Variants in SLC38A3 observed in about 807,000 individuals in gnomAD.
SLC38A3 encodes sodium-coupled neutral amino acid transporter 3.
A neutral mutation model predicts 59.5 loss-of-function variants in SLC38A3; 17 were observed. That is an observed-to-expected ratio of 0.29 (90% confidence interval 0.20 to 0.43). The LOEUF is 0.43. Ranked by LOEUF, SLC38A3 falls within the 20% of genes least tolerant of loss-of-function variation. The pLI is 1.00. For missense variants in SLC38A3, 454 were observed against 653.9 expected (o/e 0.69, Z 3.33); for synonymous variants, 238 against 260.3 (o/e 0.91, Z 0.82).
Position 50,217,907 on chromosome 3 carries a change from G to C in SLC38A3, c.856-10G>C. ...GCAGACTGCCTTGACACAGCCCCGTGTTTCCCCAGACAGCATACACCATCC... is the reference window on the plus strand; with the variant it reads ...GCAGACTGCCTTGACACAGCCCCGTCTTTCCCCAGACAGCATACACCATCC... On this transcript the variant is annotated splice_polypyrimidine_tract_variant and intron_variant, in intron 10 of 15. Coordinates refer to ENST00000614032, the MANE Select transcript of SLC38A3 (RefSeq NM_006841.6). This position sits in a 1 kb window ranked among gnomAD's most constrained non-coding sequence, Gnocchi z 4.9. 6.2e-7 allele frequency: 1 copy of C among 1,613,986 alleles called. No individual in the cohort carries two copies. The highest frequency in any genetic ancestry group is 1.1e-5 in the South Asian group (1 of 91,082).
At chr3:50,213,216 C>T (rs1022478858) in intron 1 of SLC38A3, among the ~76,000 whole-genome samples, 1 of 152,006 alleles carries the variant, frequency 6.6e-6, no homozygotes, top group Admixed American at 6.5e-5. Context: ...CCTCTACAGC[C>T]GGCCAAGGGC....
chr3:50,218,968 G>T lies in SLC38A3; in HGVS notation c.1306+20G>T. 4 of 1,598,126 alleles carry T rather than the reference G, an allele frequency of 2.5e-6. No homozygotes were observed. Among genetic ancestry groups the T allele is most frequent in the Non-Finnish European group, 3.4e-6 (4 of 1,167,478 alleles). The stretch of plus-strand genomic sequence containing the variant: ...TCATCGGTGAGGGTCTGGCCCTGCT[G>T]TGGAAGCAGGGTATTGCCCCAGAGG... On this transcript the variant is annotated intron_variant, in intron 14 of 15. Transcript: ENST00000614032. The surrounding 1 kb of genome is among the most constrained non-coding windows in gnomAD (Gnocchi z 5.8).
Position 50,218,059 on chromosome 3 carries a change from G to A in SLC38A3, c.935+63G>A. ...CTGAGCTGGTTTGGGGAGAATGGAT[G>A]TGGTCCTGAATGTGGAGAGGGGAGT... On this transcript the variant is annotated intron_variant, in intron 11 of 15. Transcript: ENST00000614032. This position sits in a 1 kb window ranked among gnomAD's most constrained non-coding sequence, Gnocchi z 5.8. The A allele has an allele frequency of 6.6e-7, 1 of 1,516,786 alleles. No individual in the cohort carries two copies. Among genetic ancestry groups the A allele is most frequent in the Admixed American group, 1.8e-5 (1 of 57,048 alleles). The allele number at this position is 1,516,786 out of a possible 1,614,324, so 94.0% of individuals were successfully genotyped here. A position where few individuals can be genotyped will look rare whatever the true frequency, so the allele number is the denominator to read the frequency against.
At position 50,218,246 on chromosome 3, in the gene SLC38A3, A is replaced by AC; in HGVS notation, c.936-21dup. The AC allele has an allele frequency of 7.6e-7, 1 of 1,312,834 alleles. No individual in the cohort carries two copies. The highest frequency in any genetic ancestry group is 1.4e-5 in the African/African-American group (1 of 69,332). The allele number at this position is 1,312,834 out of a possible 1,614,324, so 81.3% of individuals were successfully genotyped here. On this transcript the variant is annotated intron_variant, in intron 11 of 15. Transcript: ENST00000614032. The surrounding 1 kb of genome is among the most constrained non-coding windows in gnomAD (Gnocchi z 5.8). ...CAATGTTACCCAGCTTGTCACCAAC[A>AC]CCCACCCCCCCACTTCCCCACAGCC...
In SLC38A3 at chr3:50,218,772, C is replaced by T. The variant is rs1291973232; in HGVS notation, c.1162-32C>T. 4 of 1,597,848 alleles carry T rather than the reference C, an allele frequency of 2.5e-6. No homozygotes were observed. Among genetic ancestry groups the T allele is most frequent in the Non-Finnish European group, 3.4e-6 (4 of 1,166,740 alleles). On this transcript the variant is annotated intron_variant, in intron 13 of 15. Coordinates refer to ENST00000614032, the MANE Select transcript of SLC38A3 (RefSeq NM_006841.6). This position sits in a 1 kb window ranked among gnomAD's most constrained non-coding sequence, Gnocchi z 5.8. ...TGGCGGGAGGGGCTGATGGGGCCAA[C>T]AGGCTGATGATTCTTCTCACCTGCC...
At chr3:50,213,316 T>G (rs1163830213) in intron 1 of SLC38A3, among the ~76,000 whole-genome samples, 1 of 152,196 alleles carries the variant, frequency 6.6e-6, no homozygotes, top group Non-Finnish European at 1.5e-5. Flanking sequence ...GGGGGTTCCC[T>G]GCCTGGCAGT....
intron 1 of SLC38A3, among the ~76,000 whole-genome samples, chr3:50,208,293 C>T (rs1304587707): frequency 6.9e-6 from 1 of 145,236 alleles, no homozygotes; most frequent in Admixed American, 7.0e-5. Context: ...GATAGGGTCT[C>T]GCTGTGTTAC....
chr3:50,214,371 C>T lies in SLC38A3; in HGVS notation c.102-31C>T. Reference sequence around the variant, plus strand: ...AGGGATACAGAGCAAAGGGCTGGAGCTGAGCCACCCACCCTGACCTGTGCC... The same window carrying T: ...AGGGATACAGAGCAAAGGGCTGGAGTTGAGCCACCCACCCTGACCTGTGCC... On this transcript the variant is annotated intron_variant, in intron 2 of 15. Transcript: ENST00000614032. The surrounding 1 kb of genome is among the most constrained non-coding windows in gnomAD (Gnocchi z 6.0). 6.2e-7 allele frequency: 1 copy of T among 1,600,784 alleles called. No individual in the cohort carries two copies. The highest frequency in any genetic ancestry group is 8.5e-7 in the Non-Finnish European group (1 of 1,172,598).
intron 1 of SLC38A3, among the ~76,000 whole-genome samples, chr3:50,211,221 G>T (rs1699722623): frequency 2.0e-5 from 3 of 152,200 alleles, no homozygotes; most frequent in African/African-American, 7.2e-5. Flanking sequence ...CAGGCCTGAG[G>T]GGTAGGAGCT....
At chr3:50,207,448 A>AGGACCGCAAGTGTGCAACATC in intron 1 of SLC38A3, 1 of 152,138 alleles carries the variant, frequency 6.6e-6, no homozygotes, top group Non-Finnish European at 1.5e-5. Context: ...CTGAGTAGCC[A>AGGACCGCAAGTGTGCAACATC]GGACCGCAAG....
intron 14 of SLC38A3, 144 bp downstream of exon 14, chr3:50,219,092 C>T: frequency 1.9e-6 from 2 of 1,059,296 alleles, no homozygotes; most frequent in Admixed American, 4.7e-5. Context: ...AGCTTTTGTC[C>T]ATAGGCTATT....
chr3:50,206,152 G>A (rs1233260690), intron 1 of SLC38A3, among the ~76,000 whole-genome samples: 5 of 152,290 alleles, frequency 3.3e-5, no homozygotes, highest in Non-Finnish European at 5.9e-5. Flanking sequence ...CAGCAAATGC[G>A]TGCGTTTGTT....
Position 50,217,309 on chromosome 3 carries a change from T to C in SLC38A3, c.620T>C (p.Met207Thr). ...ACCATCATTCTGCCCCTGGCACTGATGCGGCAGCTTGGTGAGTGTGGAAGG... is the reference window on the plus strand; with the variant it reads ...ACCATCATTCTGCCCCTGGCACTGACGCGGCAGCTTGGTGAGTGTGGAAGG... ...SVTIILPLAL[M>T]RQLGYLGYSS... Residue 207 changes from methionine (M) to threonine (T), a missense_variant, in exon 8 of 16, where the codon ATG becomes ACG. Physicochemically the swap from Met to Thr is moderately conservative, Grantham distance 81. This residue lies in a region of SLC38A3 where 390 missense variants were observed against 557.9 expected (regional missense o/e 0.70). Coordinates refer to ENST00000614032, the MANE Select transcript of SLC38A3 (RefSeq NM_006841.6). The surrounding 1 kb of genome is among the most constrained non-coding windows in gnomAD (Gnocchi z 4.9). 1 of 1,613,566 alleles carries C rather than the reference T, an allele frequency of 6.2e-7. No individual in the cohort carries two copies. Among genetic ancestry groups the C allele is most frequent in the Non-Finnish European group, 8.5e-7 (1 of 1,179,736 alleles).
In SLC38A3 at chr3:50,218,150, AG is replaced by A. The variant is rs1378492904; in HGVS notation, c.936-118del. Reference sequence around the variant, plus strand: ...CCATGAGAGGTGATTATGAGCAAGAAGGAGACTCCCTCAGATGCTGAATGGT... The same window carrying A: ...CCATGAGAGGTGATTATGAGCAAGAAGAGACTCCCTCAGATGCTGAATGGT... On this transcript the variant is annotated intron_variant, in intron 11 of 15. Transcript: ENST00000614032. The surrounding 1 kb of genome is among the most constrained non-coding windows in gnomAD (Gnocchi z 5.8). 1.3e-5 allele frequency: 14 copies of A among 1,056,626 alleles called. No individual in the cohort carries two copies. In the Admixed American group the frequency reaches 1.7e-4, roughly 13 times the overall value. 65.5% of individuals were successfully genotyped at this position (1,056,626 alleles called of 1,614,324 possible). A position where few individuals can be genotyped will look rare whatever the true frequency, so the allele number is the denominator to read the frequency against.
intron 1 of SLC38A3, among the ~76,000 whole-genome samples, chr3:50,208,435 G>T (rs1409960326): frequency 2.0e-5 from 3 of 151,922 alleles, no homozygotes; most frequent in Non-Finnish European, 4.4e-5. Context: ...GATAATTTTT[G>T]TATTTTTAGT....
At position 50,214,363 on chromosome 3, in the gene SLC38A3, G is replaced by A. The variant is rs1292361431; in HGVS notation, c.102-39G>A. 2 of 1,604,304 alleles carry A rather than the reference G, an allele frequency of 1.2e-6. No homozygotes were observed. Among genetic ancestry groups the A allele is most frequent in the Non-Finnish European group, 1.7e-6 (2 of 1,174,658 alleles). On this transcript the variant is annotated intron_variant, in intron 2 of 15. Transcript: ENST00000614032. This position sits in a 1 kb window ranked among gnomAD's most constrained non-coding sequence, Gnocchi z 6.0. Reference sequence around the variant, plus strand: ...GGCAGGGCAGGGATACAGAGCAAAGGGCTGGAGCTGAGCCACCCACCCTGA... The same window carrying A: ...GGCAGGGCAGGGATACAGAGCAAAGAGCTGGAGCTGAGCCACCCACCCTGA...
intron 1 of SLC38A3, among the ~76,000 whole-genome samples, chr3:50,212,517 A>C (rs1037323923): frequency 2.6e-5 from 4 of 152,164 alleles, no homozygotes; most frequent in Admixed American, 2.6e-4. Context: ...TATAGTCCCG[A>C]GTAGGTGGGT....
chr3:50,214,121 C>A lies in SLC38A3; in HGVS notation c.-51-28C>A. 1.4e-6 allele frequency: 2 copies of A among 1,405,130 alleles called. No individual in the cohort carries two copies. The highest frequency in any genetic ancestry group is 2.0e-6 in the Non-Finnish European group (2 of 1,010,308). The allele number at this position is 1,405,130 out of a possible 1,614,324, so 87.0% of individuals were successfully genotyped here. A position where few individuals can be genotyped will look rare whatever the true frequency, so the allele number is the denominator to read the frequency against. ...TAGGCCGTAGGCCCAAGTAACGGGG[C>A]TAACCAGAGGGACCGGCTGCTCTGC... is the stretch of plus-strand genomic sequence containing the variant. On this transcript the variant is annotated intron_variant, in intron 1 of 15. Coordinates refer to ENST00000614032, the MANE Select transcript of SLC38A3 (RefSeq NM_006841.6). This position sits in a 1 kb window ranked among gnomAD's most constrained non-coding sequence, Gnocchi z 6.0.
At chr3:50,211,379 A>G (rs1699724871) in intron 1 of SLC38A3, among the ~76,000 whole-genome samples, 1 of 152,090 alleles carries the variant, frequency 6.6e-6, no homozygotes, top group Non-Finnish European at 1.5e-5. Flanking sequence ...CAGCTGTATC[A>G]GGTTTGTCTG....
Sources: allele counts gnomAD v4.1 joint callset (sites outside exome capture counted in the v4.1 genomes callset), GRCh38; gene constraint gnomAD v4.1.1; regional missense constraint gnomAD v4.1.1; non-coding constraint Gnocchi (gnomAD v3.1); transcripts MANE v1.5; gene names NCBI Gene and HGNC (gene_info 2026-07-23, HGNC 2026-07-21).